HTR7: variants seen among roughly 807,000 people sequenced by gnomAD.
HTR7 encodes 5-HT-7.
HTR7 carries 16 observed loss-of-function variants against 34.0 expected under a neutral mutation model. The observed-to-expected ratio is 0.47, with a 90% CI of 0.32 to 0.71. The LOEUF (loss-of-function observed/expected upper bound fraction) is 0.71, where lower values mean the gene tolerates loss of function less well. Ranked by LOEUF, HTR7 falls within the 30% of genes least tolerant of loss-of-function variation. The pLI is 0.04. For missense variants in HTR7, 504 were observed against 625.5 expected (o/e 0.81, Z 2.07); for synonymous variants, 265 against 260.2 (o/e 1.02, Z -0.18).
At chr10:90,829,147 C>T (rs1348815756) in intron 1 of HTR7, among the ~76,000 whole-genome samples, 1 of 152,150 alleles carries the variant, frequency 6.6e-6, no homozygotes, top group African/African-American at 2.4e-5. Flanking sequence ...GGACAAAACC[C>T]ATATATCATT....
At chr10:90,755,929 C>T (rs73312288) in intron 1 of HTR7, among the ~76,000 whole-genome samples, 5,274 of 152,220 alleles carry the variant, frequency 0.035, 268 homozygotes, top group African/African-American at 0.11. Context: ...TTGGTAATAG[C>T]TCCAAATGAA....
In HTR7 at chr10:90,741,197, T is replaced by C. The variant is rs1450417919; in HGVS notation, c.*1285A>G. 2 of 152,600 alleles carry C rather than the reference T, an allele frequency of 1.3e-5. No individual in the cohort carries two copies. The highest frequency in any genetic ancestry group is 6.5e-5 in the Admixed American group (1 of 15,274). 9.5% of individuals were successfully genotyped at this position (152,600 alleles called of 1,614,324 possible). ...CAGTTCACTCTTATCAAATAAAGAA[T>C]TGCATTCATTTTTCCCCTTGTAGGT... On this transcript the variant is annotated 3_prime_UTR_variant, in exon 4 of 4. Transcript: ENST00000336152.
chr10:90,751,561 A>G (rs535708187), intron 1 of HTR7, among the ~76,000 whole-genome samples: 114 of 152,274 alleles, frequency 7.5e-4, no homozygotes, highest in African/African-American at 2.5e-3. Context: ...CAGCAGGTAG[A>G]GGTTACTTTA....
intron 1 of HTR7, among the ~76,000 whole-genome samples, chr10:90,837,163 G>A (rs1404982517): frequency 6.6e-6 from 1 of 152,326 alleles, no homozygotes; most frequent in Non-Finnish European, 1.5e-5. Flanking sequence ...GCCTGTAGAA[G>A]ATTAATCAGA....
intron 2 of HTR7, among the ~76,000 whole-genome samples, chr10:90,745,849 C>T (rs1844625215): frequency 6.6e-6 from 1 of 152,126 alleles, no homozygotes; most frequent in Admixed American, 6.6e-5. Flanking sequence ...CAATAGAGAC[C>T]ATATGGCTAG....
intron 1 of HTR7, among the ~76,000 whole-genome samples, chr10:90,820,609 C>T (rs1349291504): frequency 1.3e-5 from 2 of 152,158 alleles, no homozygotes; most frequent in African/African-American, 2.4e-5. Flanking sequence ...GTACACAGAA[C>T]AAAACGTCAA....
chr10:90,752,457 T>C (rs1327022235), intron 1 of HTR7, among the ~76,000 whole-genome samples: 4 of 152,084 alleles, frequency 2.6e-5, no homozygotes, highest in Non-Finnish European at 4.4e-5. Context: ...AATTCTAGTA[T>C]TATAAAAGTA....
At chr10:90,821,620 C>T (rs10881835) in intron 1 of HTR7, among the ~76,000 whole-genome samples, 12,197 of 152,234 alleles carry the variant, frequency 0.08, 511 homozygotes, top group East Asian at 0.16. Context: ...GGCCAGTGGA[C>T]TTCGGGGACA....
intron 1 of HTR7, among the ~76,000 whole-genome samples, chr10:90,779,946 C>T (rs1245785319): frequency 6.6e-6 from 1 of 152,162 alleles, no homozygotes; most frequent in Non-Finnish European, 1.5e-5. Flanking sequence ...TCTGTATTCC[C>T]ATCAGTCATC....
At chr10:90,820,605 A>G (rs1028080204) in intron 1 of HTR7, among the ~76,000 whole-genome samples, 1 of 152,240 alleles carries the variant, frequency 6.6e-6, no homozygotes, top group African/African-American at 2.4e-5. Flanking sequence ...TACTGTACAC[A>G]GAACAAAACG....
At position 90,743,587 on chromosome 10, in the gene HTR7, A is replaced by G; in HGVS notation, c.1393+6T>C. 1 of 1,609,968 alleles carries G rather than the reference A, an allele frequency of 6.2e-7. No individual in the cohort carries two copies. The highest frequency in any genetic ancestry group is 2.2e-5 in the East Asian group (1 of 44,842). ...TCTCCAAAGTCTCCCTTTCCTTGCT[A>G]CCCACCTGCTAACCAATTGTGATGG... On this transcript the variant is annotated splice_donor_region_variant and intron_variant, in intron 3 of 3. Coordinates refer to ENST00000336152, the MANE Select transcript of HTR7 (RefSeq NM_019859.4).
intron 3 of HTR7, among the ~76,000 whole-genome samples, chr10:90,742,762 A>C (rs1254429071): frequency 6.6e-6 from 1 of 152,186 alleles, no homozygotes; most frequent in South Asian, 2.1e-4. Flanking sequence ...ATCAGCCCCA[A>C]ATAACCCATT....
Position 90,775,881 on chromosome 10 carries a change from C to T in HTR7, c.540-26287G>A, listed in dbSNP as rs539345327. Among the ~76,000 whole-genome samples the T allele has an allele frequency of 1.1e-4, 17 of 152,132 alleles. No homozygotes were observed. The South Asian group carries it at 3.3e-3, about 30-fold the overall frequency. ...CCCAAGAGAAACACAACATAAACCA[C>T]AAATGAGAGCCATATGTGTATTTTG... On this transcript the variant is annotated intron_variant, in intron 1 of 3. Transcript: ENST00000336152.
chr10:90,759,939 C>A (rs1844907798), intron 1 of HTR7, among the ~76,000 whole-genome samples: 1 of 152,172 alleles, frequency 6.6e-6, no homozygotes, highest in African/African-American at 2.4e-5. Context: ...ACAAATCCAA[C>A]CTCCTGATGG....
chr10:90,812,752 C>T (rs1009776784), intron 1 of HTR7, among the ~76,000 whole-genome samples: 4 of 152,114 alleles, frequency 2.6e-5, no homozygotes, highest in African/African-American at 9.7e-5. Flanking sequence ...ATTTTCGCCA[C>T]CCCAACACTT....
At chr10:90,787,164 G>A (rs1038892608) in intron 1 of HTR7, among the ~76,000 whole-genome samples, 2 of 152,094 alleles carry the variant, frequency 1.3e-5, no homozygotes, top group African/African-American at 4.8e-5. Flanking sequence ...GGCCTACTAT[G>A]TGCCAGACAC....
intron 1 of HTR7, among the ~76,000 whole-genome samples, chr10:90,802,996 C>CTTTTTTTTTT (rs35715510): frequency 1.1e-3 from 102 of 88,932 alleles, no homozygotes; most frequent in Admixed American, 1.4e-3. Flanking sequence ...CATTTGTGGC[C>CTTTTTTTTTT]TTTTTTTTTT....
At chr10:90,829,348 T>A (rs1846129286) in intron 1 of HTR7, among the ~76,000 whole-genome samples, 1 of 152,192 alleles carries the variant, frequency 6.6e-6, no homozygotes, top group East Asian at 1.9e-4. Flanking sequence ...ACGATAAGGA[T>A]CCCCACTTTT....
intron 1 of HTR7, among the ~76,000 whole-genome samples, chr10:90,802,996 C>CTTTTTTTTTTTTTTTTT (rs35715510): frequency 5.6e-5 from 5 of 89,010 alleles, no homozygotes; most frequent in Admixed American, 2.5e-4. Context: ...CATTTGTGGC[C>CTTTTTTTTTTTTTTTTT]TTTTTTTTTT....
Sources: gnomAD v4.1 joint callset for allele counts (sites outside exome capture counted in the v4.1 genomes callset) on GRCh38, gnomAD v4.1.1 for gene constraint, MANE v1.5 for transcripts, NCBI Gene and HGNC (gene_info 2026-07-23, HGNC 2026-07-21) for gene names.